Variants in SRFBP1 observed in about 807,000 individuals in gnomAD.
SRFBP1 encodes serum response factor-binding protein 1.
In SRFBP1, 47 loss-of-function variants were observed where a neutral mutation model predicts 45.5. That is an observed-to-expected ratio of 1.03 (90% CI 0.82 to 1.32). The LOEUF (loss-of-function observed/expected upper bound fraction) is 1.32. Ranked by LOEUF, SRFBP1 falls within the 40% of genes most tolerant of loss-of-function variation. The probability of loss-of-function intolerance (pLI) is 0.00; values close to 1 mark genes in which losing one functional copy is unlikely to be tolerated. For missense variants in SRFBP1, 621 were observed against 484.6 expected (o/e 1.28, Z -2.64); for synonymous variants, 203 against 166.3 (o/e 1.22, Z -1.70).
chr5:121,970,754 A>G (rs1215842337), intron 1 of SRFBP1, among the ~76,000 whole-genome samples: 1 of 152,130 alleles, frequency 6.6e-6, no homozygotes, highest in African/African-American at 2.4e-5. Context: ...TATTTAACCA[A>G]TATTTATTGG....
chr5:122,032,139 A>C (rs1473249912), downstream of SRFBP1, among the ~76,000 whole-genome samples: 1 of 152,232 alleles, frequency 6.6e-6, no homozygotes, highest in African/African-American at 2.4e-5. Context: ...CAATTTAAAA[A>C]GATATATATA....
Position 122,009,989 on chromosome 5 carries a change from C to T in SRFBP1, c.271-9271C>T, listed in dbSNP as rs147255028. On this transcript the variant is annotated intron_variant, in intron 4 of 7. Coordinates refer to ENST00000339397, the MANE Select transcript of SRFBP1 (RefSeq NM_152546.3). ...ACTCCATCCTCCCCTTTAACCTTCC[C>T]TTCCCACTAACTCTGCCACCAGTAC... 2.0e-3 allele frequency among the ~76,000 whole-genome samples: 310 copies of T among 152,244 alleles called. 2 individuals are homozygous for T. The highest frequency in any genetic ancestry group is 7.0e-3 in the African/African-American group (291 of 41,528).
At chr5:122,001,841 G>A (rs563818974) in intron 4 of SRFBP1, among the ~76,000 whole-genome samples, 129 of 152,170 alleles carry the variant, frequency 8.5e-4, no homozygotes, top group Non-Finnish European at 1.7e-3. Flanking sequence ...GATTACAGGC[G>A]TGAGCCACCG....
intron 4 of SRFBP1, among the ~76,000 whole-genome samples, chr5:122,000,854 C>T (rs1307175147): frequency 2.0e-5 from 3 of 152,162 alleles, no homozygotes; most frequent in African/African-American, 7.2e-5. Context: ...CTAAATTTTG[C>T]ATTAATTTTT....
At chr5:121,976,784 A>G (rs1752311357) in intron 3 of SRFBP1, among the ~76,000 whole-genome samples, 1 of 150,632 alleles carries the variant, frequency 6.6e-6, no homozygotes, top group African/African-American at 2.4e-5. Flanking sequence ...ATACACATAC[A>G]ATGTATAGTT....
chr5:121,994,159 C>T (rs1385038940), intron 3 of SRFBP1, among the ~76,000 whole-genome samples: 1 of 151,864 alleles, frequency 6.6e-6, no homozygotes, highest in African/African-American at 2.4e-5. Flanking sequence ...GAAGTTTCTG[C>T]TTTATGTAAT....
At chr5:122,030,250 G>A (rs113257379), downstream of SRFBP1, among the ~76,000 whole-genome samples, 1,699 of 152,282 alleles carry the variant, frequency 0.011, 42 homozygotes, top group African/African-American at 0.039. Flanking sequence ...AATCCAAGAA[G>A]TATTTACTAA....
intron 4 of SRFBP1, among the ~76,000 whole-genome samples, chr5:121,999,711 T>A (rs1372473021): frequency 6.6e-6 from 1 of 152,244 alleles, no homozygotes; most frequent in East Asian, 1.9e-4. Context: ...CCGATAATAT[T>A]TATTGTGCTG....
intron 1 of SRFBP1, among the ~76,000 whole-genome samples, chr5:121,970,302 A>G (rs1157231865): frequency 6.6e-6 from 1 of 152,114 alleles, no homozygotes; most frequent in African/African-American, 2.4e-5. Flanking sequence ...GAGCTTTGTT[A>G]TGATTGGAAT....
At chr5:121,986,842 CTT>C (rs1752527848) in intron 3 of SRFBP1, among the ~76,000 whole-genome samples, 1 of 151,968 alleles carries the variant, frequency 6.6e-6, no homozygotes, top group Non-Finnish European at 1.5e-5. Flanking sequence ...GAGTGAGAAA[CTT>C]TTTAGAATGA....
At chr5:121,975,174 T>C in intron 2 of SRFBP1, 141 bp from the exon 3 acceptor site, 1 of 816,800 alleles carries the variant, frequency 1.2e-6, no homozygotes, top group Non-Finnish European at 1.9e-6. Context: ...GTGGGGGAAA[T>C]GGACAGTGTA....
intron 1 of SRFBP1, among the ~76,000 whole-genome samples, chr5:121,964,417 C>CA (rs1333149604): frequency 6.6e-6 from 1 of 152,098 alleles, no homozygotes; most frequent in Non-Finnish European, 1.5e-5. Flanking sequence ...TTGTTCAACT[C>CA]AAACTTATGA....
downstream of SRFBP1, among the ~76,000 whole-genome samples, chr5:122,029,487 A>G (rs201617769): frequency 6.6e-5 from 10 of 152,286 alleles, no homozygotes; most frequent in East Asian, 1.9e-3. Context: ...TAAAGACTTG[A>G]AAGAACCCTT....
chr5:121,972,475 C>T (rs899793159), intron 1 of SRFBP1, among the ~76,000 whole-genome samples: 2 of 151,726 alleles, frequency 1.3e-5, no homozygotes, highest in Admixed American at 6.6e-5. Flanking sequence ...GAATGGGGGT[C>T]CACTTGAGGT....
At chr5:122,034,533 G>A (rs535275953) in intron 2 of SRFBP1, among the ~76,000 whole-genome samples, 1 of 151,522 alleles carries the variant, frequency 6.6e-6, no homozygotes, top group Non-Finnish European at 1.5e-5. Context: ...CAGTTATTGA[G>A]TTTTCCTACT....
chr5:122,077,387 C>T (rs768995006), downstream of SRFBP1: 3 of 1,613,812 alleles, frequency 1.9e-6, no homozygotes, highest in Admixed American at 1.7e-5. The surrounding 1 kb of genome is among the most constrained non-coding windows in gnomAD (Gnocchi z 4.9). Context: ...GTATCCGGGC[C>T]GGTACCTGCC....
intron 2 of SRFBP1, among the ~76,000 whole-genome samples, chr5:122,068,488 T>C (rs889318147): frequency 1.3e-5 from 2 of 152,158 alleles, no homozygotes; most frequent in Non-Finnish European, 2.9e-5. Flanking sequence ...CTATTACAGT[T>C]ATATGTGTAA....
intron 1 of SRFBP1, among the ~76,000 whole-genome samples, chr5:121,969,120 C>T (rs1270290505): frequency 6.6e-6 from 1 of 152,054 alleles, no homozygotes; most frequent in African/African-American, 2.4e-5. Context: ...CATTGTCACC[C>T]CAGAAATAGA....
intron 3 of SRFBP1, among the ~76,000 whole-genome samples, chr5:121,990,295 A>G (rs1016744787): frequency 6.6e-6 from 1 of 152,214 alleles, no homozygotes; most frequent in Non-Finnish European, 1.5e-5. Flanking sequence ...GCTGCAGGCT[A>G]TATTCTAAAG....
Sources: gnomAD v4.1 joint callset for allele counts (sites outside exome capture counted in the v4.1 genomes callset) on GRCh38, gnomAD v4.1.1 for gene constraint, Gnocchi (gnomAD v3.1) non-coding constraint, MANE v1.5 for transcripts, NCBI Gene and HGNC (gene_info 2026-07-23, HGNC 2026-07-21) for gene names.